SPOP: variants seen among roughly 807,000 people sequenced by gnomAD.
The protein encoded by SPOP is speckle-type POZ protein.
Under a neutral mutation model 45.6 loss-of-function variants are expected in SPOP, and 11 were observed. That is an observed-to-expected ratio of 0.24 (90% confidence interval 0.15 to 0.40). SPOP has a LOEUF of 0.40. Ranked by LOEUF, SPOP falls within the 10% of genes least tolerant of loss-of-function variation. The probability of loss-of-function intolerance (pLI) is 1.00; values close to 1 mark genes in which losing one functional copy is unlikely to be tolerated. For missense variants in SPOP, 152 were observed against 465.6 expected (o/e 0.33, Z 6.20); for synonymous variants, 166 against 166.3 (o/e 1.00, Z 0.01).
At chr17:49,612,608 G>C (rs2071997655) in intron 5 of SPOP, among the ~76,000 whole-genome samples, 1 of 152,090 alleles carries the variant, frequency 6.6e-6, no homozygotes, top group Admixed American at 6.5e-5. Flanking sequence ...AATCTGTTAG[G>C]GTACCAAATA....
intron 1 of SPOP, among the ~76,000 whole-genome samples, chr17:49,637,588 T>C (rs183921421): frequency 3.2e-4 from 48 of 152,296 alleles, no homozygotes; most frequent in Middle Eastern, 3.4e-3. Flanking sequence ...TGACCTCAAG[T>C]GATCTGCCCA....
intron 1 of SPOP, among the ~76,000 whole-genome samples, chr17:49,654,511 C>A (rs1343051813): frequency 6.6e-6 from 1 of 152,082 alleles, no homozygotes; most frequent in Non-Finnish European, 1.5e-5. Flanking sequence ...TTTTTCCTTT[C>A]TTTCTTTTTT....
chr17:49,626,302 C>T (rs1245838559), intron 1 of SPOP, among the ~76,000 whole-genome samples: 1 of 152,092 alleles, frequency 6.6e-6, no homozygotes, highest in Non-Finnish European at 1.5e-5. Context: ...GTTTTATTTT[C>T]TTAATTATTC....
In SPOP at chr17:49,624,339, A is replaced by G. The variant is rs923836617; in HGVS notation, c.-66-1463T>C. 2.9e-3 allele frequency among the ~76,000 whole-genome samples: 325 copies of G among 112,250 alleles called. 1 individual carries two copies. Among genetic ancestry groups the G allele is most frequent in the African/African-American group, 6.9e-3 (267 of 38,432 alleles). 73.6% of individuals were successfully genotyped at this position (112,250 alleles called of 152,430 possible). On this transcript the variant is annotated intron_variant, in intron 1 of 9. Transcript: ENST00000504102. ...CACACACGCGCGCGCGCGCACACAC[A>G]CACACACACACACACACACACACAC...
intron 1 of SPOP, among the ~76,000 whole-genome samples, chr17:49,641,263 CAAAAAAAAAAAAAAAA>C (rs34207707): frequency 4.2e-5 from 2 of 47,548 alleles, no homozygotes; most frequent in Non-Finnish European, 7.4e-5. Flanking sequence ...ACTCTGTCTC[CAAAAAAAAAAAAAAAA>C]AAAAAAAAAA....
At chr17:49,650,872 G>T (rs983800913) in intron 1 of SPOP, among the ~76,000 whole-genome samples, 1 of 152,194 alleles carries the variant, frequency 6.6e-6, no homozygotes, top group Non-Finnish European at 1.5e-5. Flanking sequence ...AAAGTCTGGT[G>T]AATAAAGGAA....
intron 1 of SPOP, among the ~76,000 whole-genome samples, chr17:49,652,096 TGCTCCAA>T (rs1178909371): frequency 6.6e-6 from 1 of 152,018 alleles, no homozygotes; most frequent in Non-Finnish European, 1.5e-5. Context: ...AAATCTGAAA[TGCTCCAA>T]AATCCAAAAC....
intron 1 of SPOP, among the ~76,000 whole-genome samples, chr17:49,656,147 C>T (rs2072910348): frequency 6.6e-6 from 1 of 152,058 alleles, no homozygotes; most frequent in African/African-American, 2.4e-5. Context: ...ATCTCTGTGC[C>T]AGAAAGAACT....
At chr17:49,621,807 C>CTAGG (rs2072226265) in intron 3 of SPOP, 139 bp downstream of exon 3, 6 of 842,516 alleles carry the variant, frequency 7.1e-6, no homozygotes. Flanking sequence ...AGGCACTGTG[C>CTAGG]TAGGCACTGG....
chr17:49,661,879 G>A (rs1379152142), intron 1 of SPOP, among the ~76,000 whole-genome samples: 1 of 152,056 alleles, frequency 6.6e-6, no homozygotes, highest in African/African-American at 2.4e-5. Context: ...CGGGCATTGT[G>A]GTGCATGCCT....
At chr17:49,649,092 C>A (rs1420769305) in intron 1 of SPOP, among the ~76,000 whole-genome samples, 1 of 152,052 alleles carries the variant, frequency 6.6e-6, no homozygotes, top group Non-Finnish European at 1.5e-5. Context: ...CATACTTAAT[C>A]TTAGAAAATT....
intron 8 of SPOP, among the ~76,000 whole-genome samples, chr17:49,603,049 G>A (rs2071768910): frequency 6.6e-6 from 1 of 152,196 alleles, no homozygotes; most frequent in African/African-American, 2.4e-5. Flanking sequence ...GCCCCAGCTT[G>A]AAGGCCCCAG....
intron 1 of SPOP, among the ~76,000 whole-genome samples, chr17:49,651,231 A>T (rs2072839941): frequency 6.6e-6 from 1 of 152,218 alleles, no homozygotes; most frequent in Non-Finnish European, 1.5e-5. Flanking sequence ...TATAGTTACC[A>T]TTAAGTAGGG....
intron 9 of SPOP, 35 bp downstream of exon 9, chr17:49,601,830 A>G: frequency 6.2e-7 from 1 of 1,609,928 alleles, no homozygotes; most frequent in Non-Finnish European, 8.5e-7. Context: ...CTATCCAACT[A>G]TTTTGAAAGA....
At chr17:49,622,376 G>A (rs2072237566) in intron 2 of SPOP, 7 of 532,738 alleles carry the variant, frequency 1.3e-5, no homozygotes, top group South Asian at 3.4e-5. Context: ...TGATAAAACC[G>A]TACTTAAAAT....
chr17:49,678,039 C>A lies in SPOP; in HGVS notation c.-173G>T, dbSNP rs956744998. On this transcript the variant is annotated 5_prime_UTR_variant, in exon 1 of 10. Coordinates refer to ENST00000504102, the MANE Select transcript of SPOP (RefSeq NM_001007228.2). The stretch of plus-strand genomic sequence containing the variant: ...CCGCCGATACACAAATACACACACA[C>A]TCGGAGCGCGCACACTCACACACAC... 5.0e-6 allele frequency: 2 copies of A among 399,378 alleles called. No homozygotes were observed. 24.7% of individuals were successfully genotyped at this position (399,378 alleles called of 1,614,324 possible). A position where few individuals can be genotyped will look rare whatever the true frequency, so the allele number is the denominator to read the frequency against.
At chr17:49,628,318 A>T (rs550109733) in intron 1 of SPOP, among the ~76,000 whole-genome samples, 2 of 152,280 alleles carry the variant, frequency 1.3e-5, no homozygotes, top group African/African-American at 2.4e-5. Flanking sequence ...CGAGTTACAT[A>T]AAAAAATGCA....
At chr17:49,660,627 C>T (rs1193333079) in intron 1 of SPOP, among the ~76,000 whole-genome samples, 1 of 152,166 alleles carries the variant, frequency 6.6e-6, no homozygotes, top group Non-Finnish European at 1.5e-5. Flanking sequence ...AAAGGCCTTC[C>T]CTGACTCCTC....
At chr17:49,618,540 T>C (rs770187632) in intron 5 of SPOP, 8 of 456,360 alleles carry the variant, frequency 1.8e-5, no homozygotes, top group South Asian at 4.6e-5. Context: ...AGACAAACCA[T>C]AGGCCTCAAC....
Sources: gnomAD v4.1 joint callset for allele counts (sites outside exome capture counted in the v4.1 genomes callset) on GRCh38, gnomAD v4.1.1 for gene constraint, MANE v1.5 for transcripts, NCBI Gene and HGNC (gene_info 2026-07-23, HGNC 2026-07-21) for gene names.